Variants in SUPT3H observed in about 807,000 individuals in gnomAD.
SUPT3H encodes the protein SPT3 homolog, SAGA and STAGA complex component, also known as transcription initiation protein SPT3 homolog.
Under a neutral mutation model 44.3 loss-of-function variants are expected in SUPT3H, and 44 were observed. The observed-to-expected ratio is 0.99, with a 90% confidence interval of 0.78 to 1.28. SUPT3H has a LOEUF of 1.28. Among genes scored for constraint, SUPT3H ranks in the 50% most tolerant of loss-of-function variants. SUPT3H has a pLI of 0.00. For synonymous variants in SUPT3H, 124 were observed against 125.6 expected, an observed-to-expected ratio of 0.99 and a Z score of 0.09; for missense variants, 380 against 387.1, an observed-to-expected ratio of 0.98 and a Z score of 0.15.
intron 10 of SUPT3H, among the ~76,000 whole-genome samples, chr6:44,881,158 A>G (rs201398168): frequency 1.3e-5 from 2 of 152,150 alleles, no homozygotes; most frequent in African/African-American, 4.8e-5. Flanking sequence ...CTCATGTGCA[A>G]AGACACAAAA....
In SUPT3H at chr6:44,971,405, T is replaced by A. The variant is rs138999258; in HGVS notation, c.505-9577A>T. 2.3e-3 allele frequency among the ~76,000 whole-genome samples: 351 copies of A among 152,196 alleles called. 1 individual carries two copies. Among genetic ancestry groups the A allele is most frequent in the African/African-American group, 7.7e-3 (321 of 41,528 alleles). On this transcript the variant is annotated intron_variant, in intron 6 of 10. Coordinates refer to ENST00000371459, the MANE Select transcript of SUPT3H (RefSeq NM_003599.4). The stretch of plus-strand genomic sequence containing the variant: ...TAACTGACTCACATTTCCACAGAAC[T>A]GGGGAGGCCTCAGGAAACTTACAAT...
chr6:44,949,157 G>GC (rs1773859205), intron 9 of SUPT3H, among the ~76,000 whole-genome samples: 1 of 152,012 alleles, frequency 6.6e-6, no homozygotes, highest in Non-Finnish European at 1.5e-5. Flanking sequence ...ACCAAACACC[G>GC]CATGTTCTCA....
intron 10 of SUPT3H, among the ~76,000 whole-genome samples, chr6:44,893,380 C>T (rs190338923): frequency 6.6e-6 from 1 of 151,426 alleles, no homozygotes; most frequent in African/African-American, 2.4e-5. Context: ...CTCCCCCCTG[C>T]CCCCACCCCA....
intron 2 of SUPT3H, among the ~76,000 whole-genome samples, chr6:45,324,059 T>A (rs956988776): frequency 6.6e-6 from 1 of 152,034 alleles, no homozygotes; most frequent in Admixed American, 6.6e-5. Context: ...TCTAGCCACA[T>A]CCTCAGCTGT....
At chr6:44,976,632 G>T (rs1269464072) in intron 6 of SUPT3H, among the ~76,000 whole-genome samples, 1 of 152,104 alleles carries the variant, frequency 6.6e-6, no homozygotes, top group Admixed American at 6.5e-5. Flanking sequence ...CAAAGTGCTA[G>T]GATTACAGGC....
chr6:45,037,699 G>T (rs1417581419), intron 3 of SUPT3H, among the ~76,000 whole-genome samples: 1 of 149,628 alleles, frequency 6.7e-6, no homozygotes, highest in Non-Finnish European at 1.5e-5. Flanking sequence ...ATAAAAAAAT[G>T]AAAGAAATAT....
Position 44,954,417 on chromosome 6 carries a change from GAGA to G in SUPT3H, c.693+75_693+77del, listed in dbSNP as rs567293824. ...CTGTTATTACTGGTAGAGCAGCAGG[GAGA>G]AGAAGAATTGATCATGGGCAGAGAT... On this transcript the variant is annotated intron_variant, in intron 8 of 10. Coordinates refer to ENST00000371459, the MANE Select transcript of SUPT3H (RefSeq NM_003599.4). 135 of 998,304 alleles carry G rather than the reference GAGA, an allele frequency of 1.4e-4. 1 individual carries two copies. In the African/African-American group the frequency reaches 1.8e-3, roughly 14 times the overall value. 61.8% of individuals were successfully genotyped at this position (998,304 alleles called of 1,614,324 possible).
chr6:45,006,350 C>A (rs1391157528), intron 5 of SUPT3H, among the ~76,000 whole-genome samples: 2 of 151,740 alleles, frequency 1.3e-5, no homozygotes, highest in South Asian at 4.2e-4. Flanking sequence ...GTATTTATTT[C>A]ATATTCTTGT....
intron 2 of SUPT3H, among the ~76,000 whole-genome samples, chr6:45,357,789 TA>T (rs1793508177): frequency 6.6e-6 from 1 of 152,240 alleles, no homozygotes; most frequent in South Asian, 2.1e-4. Flanking sequence ...AATGAGAACC[TA>T]AAACTCACAA....
chr6:44,817,108 T>TCACACACA (rs35760659), intron 11 of SUPT3H, among the ~76,000 whole-genome samples: 14 of 150,054 alleles, frequency 9.3e-5, no homozygotes, highest in East Asian at 5.8e-4. Context: ...ACATACATAT[T>TCACACACA]CACACACACA....
chr6:45,093,758 T>G (rs1309993955), intron 3 of SUPT3H, among the ~76,000 whole-genome samples: 1 of 152,100 alleles, frequency 6.6e-6, no homozygotes, highest in African/African-American at 2.4e-5. Context: ...ATAAATAATC[T>G]CAAAAATAAT....
chr6:45,030,390 A>G (rs1214585193), intron 3 of SUPT3H, among the ~76,000 whole-genome samples: 2 of 152,112 alleles, frequency 1.3e-5, no homozygotes, highest in Non-Finnish European at 2.9e-5. Context: ...CCCTTTCCAT[A>G]TTCCCTTCTG....
chr6:44,948,411 G>A (rs1773699382), intron 9 of SUPT3H, among the ~76,000 whole-genome samples: 1 of 152,168 alleles, frequency 6.6e-6, no homozygotes, highest in South Asian at 2.1e-4. Flanking sequence ...AAACTAAAGA[G>A]CTTCTGCACA....
At chr6:45,292,803 T>C (rs371933407) in intron 2 of SUPT3H, among the ~76,000 whole-genome samples, 108 of 130,650 alleles carry the variant, frequency 8.3e-4, no homozygotes, top group African/African-American at 2.9e-3. Context: ...TAAAAATACA[T>C]GCACCTGACA....
Position 45,370,199 on chromosome 6 carries a change from G to T in SUPT3H, c.1-4898C>A, listed in dbSNP as rs112607097. Among the ~76,000 whole-genome samples, 1,378 of 152,320 alleles carry T rather than the reference G, an allele frequency of 9.0e-3. 14 individuals are homozygous for T. The highest frequency in any genetic ancestry group is 0.028 in the South Asian group (135 of 4,820). ...TGCAGACAAGAGATGACAGTGGGTTGAATTAGTTTAACAAGCGGAGATGAT... is the reference window on the plus strand; with the variant it reads ...TGCAGACAAGAGATGACAGTGGGTTTAATTAGTTTAACAAGCGGAGATGAT... On this transcript the variant is annotated intron_variant, in intron 1 of 10. Coordinates refer to ENST00000371459, the MANE Select transcript of SUPT3H (RefSeq NM_003599.4).
intron 2 of SUPT3H, among the ~76,000 whole-genome samples, chr6:45,284,768 A>G (rs142329842): frequency 6.6e-6 from 1 of 152,352 alleles, no homozygotes; most frequent in African/African-American, 2.4e-5. Context: ...TCCTGATACC[A>G]AAGACTAGCA....
intron 2 of SUPT3H, among the ~76,000 whole-genome samples, chr6:45,327,192 G>A (rs1437271701): frequency 1.3e-5 from 2 of 151,884 alleles, no homozygotes; most frequent in Non-Finnish European, 2.9e-5. Context: ...AGCAAATCGA[G>A]ACGACTAACA....
intron 2 of SUPT3H, among the ~76,000 whole-genome samples, chr6:45,272,430 T>C (rs1254252756): frequency 6.6e-6 from 1 of 152,170 alleles, no homozygotes; most frequent in Admixed American, 6.5e-5. Flanking sequence ...AACTTGGCTC[T>C]CATTGTTTCT....
intron 2 of SUPT3H, among the ~76,000 whole-genome samples, chr6:45,221,120 A>C (rs537921398): frequency 6.6e-6 from 1 of 152,324 alleles, no homozygotes; most frequent in East Asian, 1.9e-4. Flanking sequence ...AACTATCACA[A>C]GGACAGAAAA....
Sources: gnomAD v4.1 joint callset for allele counts (sites outside exome capture counted in the v4.1 genomes callset) on GRCh38, gnomAD v4.1.1 for gene constraint, MANE v1.5 for transcripts, NCBI Gene and HGNC (gene_info 2026-07-23, HGNC 2026-07-21) for gene names.